The following PDE4DIP variants were observed in gnomAD, a reference collection of about 807,000 sequenced individuals.
PDE4DIP encodes phosphodiesterase 4D interacting protein, also known as myomegalin.
Under a neutral mutation model 221.4 loss-of-function variants are expected in PDE4DIP, and 59 were observed. The observed-to-expected ratio is 0.27, with a 90% CI of 0.22 to 0.33. PDE4DIP has a LOEUF of 0.33. Ranked by LOEUF, PDE4DIP falls within the 10% of genes least tolerant of loss-of-function variation. PDE4DIP has a pLI of 1.00. For synonymous variants in PDE4DIP, 404 were observed against 815.9 expected, an observed-to-expected ratio of 0.50 and a Z score of 8.60; for missense variants, 1,036 against 2,154.2, an observed-to-expected ratio of 0.48 and a Z score of 10.28.
intron 17 of PDE4DIP, among the ~76,000 whole-genome samples, chr1:148,975,199 T>A (rs1427523598): frequency 1.4e-5 from 2 of 147,790 alleles, no homozygotes; most frequent in African/African-American, 5.0e-5. Flanking sequence ...TAATAATAAT[T>A]GTAAAGCACT....
intron 4 of PDE4DIP, among the ~76,000 whole-genome samples, chr1:148,933,647 T>C (rs1324306075): frequency 6.6e-6 from 1 of 152,116 alleles, no homozygotes; most frequent in Admixed American, 6.6e-5. Context: ...TTTAACTGAA[T>C]AGGCAAAAAC....
At chr1:148,981,703 T>G (rs1177407909) in intron 21 of PDE4DIP, 7 of 334,768 alleles carry the variant, frequency 2.1e-5, no homozygotes, top group Admixed American at 3.8e-5. Context: ...TTTCCACTTT[T>G]ATTCATTCTT....
At chr1:149,000,237 G>A (rs1368996612) in intron 23 of PDE4DIP, among the ~76,000 whole-genome samples, 1 of 152,104 alleles carries the variant, frequency 6.6e-6, no homozygotes, top group African/African-American at 2.4e-5. Flanking sequence ...TCTAGCTCAG[G>A]GGTTCTCAGT....
At chr1:148,907,049 C>G (rs2042001002) in intron 1 of PDE4DIP, among the ~76,000 whole-genome samples, 1 of 151,270 alleles carries the variant, frequency 6.6e-6, no homozygotes, top group Middle Eastern at 3.4e-3. Context: ...AACTCCATCT[C>G]AAAAAAACCA....
upstream of PDE4DIP, among the ~76,000 whole-genome samples, chr1:148,884,762 T>C (rs1191327656): frequency 2.2e-4 from 34 of 152,264 alleles, no homozygotes; most frequent in African/African-American, 6.5e-4. Flanking sequence ...CAGTTTTTAC[T>C]ATTTGTACAG....
intron 1 of PDE4DIP, among the ~76,000 whole-genome samples, chr1:148,836,683 T>G (rs1347480123): frequency 7.2e-5 from 6 of 83,808 alleles, no homozygotes. Context: ...TAAACAACAA[T>G]TTGAATTTAT....
intron 41 of PDE4DIP, among the ~76,000 whole-genome samples, chr1:149,029,028 G>C (rs1408306981): frequency 6.6e-6 from 1 of 152,166 alleles, no homozygotes; most frequent in Non-Finnish European, 1.5e-5. Flanking sequence ...TCTGAAGTTT[G>C]ACTGAGCTGA....
Position 148,940,267 on chromosome 1 carries a change from G to A in PDE4DIP, c.636+2403G>A, listed in dbSNP as rs1573883333. Reference sequence around the variant, plus strand: ...ATATTCTACTCTAAAAGGATGCTTAGAACAAGAATAAGTACAGCATCCAGG... The same window carrying A: ...ATATTCTACTCTAAAAGGATGCTTAAAACAAGAATAAGTACAGCATCCAGG... On this transcript the variant is annotated intron_variant, in intron 5 of 43. Transcript: ENST00000369354. Among the ~76,000 whole-genome samples, 4 of 147,002 alleles carry A rather than the reference G, an allele frequency of 2.7e-5. 1 individual carries two copies. The South Asian group carries it at 8.9e-4, about 33-fold the overall frequency.
chr1:148,821,497 A>T lies in PDE4DIP; in HGVS notation c.233+12760A>T, dbSNP rs587654997. ...TACAAATAAAGGGATTTCTGATATTAATAAAGTTTATTTTAAAAAAATTTC... is the reference window on the plus strand; with the variant it reads ...TACAAATAAAGGGATTTCTGATATTTATAAAGTTTATTTTAAAAAAATTTC... On this transcript the variant is annotated intron_variant, in intron 1 of 45. Coordinates refer to the PDE4DIP transcript ENST00000524974. 2.7e-5 allele frequency among the ~76,000 whole-genome samples: 4 copies of T among 150,794 alleles called. 1 individual carries two copies. In the South Asian group the frequency reaches 8.4e-4, roughly 32 times the overall value.
At chr1:148,929,685 C>T (rs1458214551) in intron 2 of PDE4DIP, 1 of 158,780 alleles carries the variant, frequency 6.3e-6, no homozygotes, top group African/African-American at 2.4e-5. Context: ...TAAATTGTGA[C>T]AACATTTTTA....
chr1:148,929,251 A>T lies in PDE4DIP; in HGVS notation c.196A>T (p.Lys66Ter). Residue 66 changes from lysine to a stop codon, truncating the protein, a stop_gained, in exon 2 of 44, where the codon AAA becomes TAA. Coordinates refer to ENST00000369354, the Ensembl canonical transcript of PDE4DIP. LOFTEE classifies it high-confidence loss of function. Reference sequence around the variant, plus strand: ...CTTGAAACGAGAACTCCAGGACAAGAAACAGCATCTGGATAAAACATGGTA... The same window carrying T: ...CTTGAAACGAGAACTCCAGGACAAGTAACAGCATCTGGATAAAACATGGTA... 1 of 1,613,410 alleles carries T rather than the reference A, an allele frequency of 6.2e-7. No homozygotes were observed. The highest frequency in any genetic ancestry group is 1.1e-5 in the South Asian group (1 of 91,004).
intron 1 of PDE4DIP, among the ~76,000 whole-genome samples, chr1:148,813,695 G>T: frequency 4.2e-5 from 4 of 94,796 alleles, no homozygotes; most frequent in Non-Finnish European, 8.6e-5. Flanking sequence ...TTATAGTTTT[G>T]CATTTTTACA....
chr1:149,021,817 G>T (rs1377952108), intron 37 of PDE4DIP: 4 of 145,564 alleles, frequency 2.7e-5, no homozygotes, highest in Non-Finnish European at 6.0e-5. Flanking sequence ...TTCAATCCTG[G>T]ATTTAAATAT....
At chr1:148,954,755 AGTTT>A (rs1456312556) in intron 5 of PDE4DIP, among the ~76,000 whole-genome samples, 1 of 151,818 alleles carries the variant, frequency 6.6e-6, no homozygotes, top group Non-Finnish European at 1.5e-5. Context: ...CAACTATGGT[AGTTT>A]GTTTCTATAG....
chr1:148,859,640 T>C (rs1553398637), intron 1 of PDE4DIP, among the ~76,000 whole-genome samples: 2 of 149,556 alleles, frequency 1.3e-5, no homozygotes, highest in African/African-American at 5.1e-5. Context: ...AAAAGTGGCC[T>C]GGCGAACCAC....
chr1:149,009,578 G>A (rs1553602780), exon 30 of PDE4DIP: 1 of 1,601,516 alleles, frequency 6.2e-7, no homozygotes, highest in African/African-American at 1.3e-5. Context: ...GCTCAGCAGG[G>A]AGCTGCAGGA....
exon 44 of PDE4DIP, chr1:149,032,475 C>CCT (rs1559480881): frequency 2.9e-6 from 1 of 342,350 alleles, no homozygotes; most frequent in African/African-American, 2.0e-5. Flanking sequence ...ACACTGCTGG[C>CCT]GGGGGCTCAG....
chr1:148,889,072 G>A (rs1231873635), upstream of PDE4DIP, among the ~76,000 whole-genome samples: 1 of 151,688 alleles, frequency 6.6e-6, no homozygotes, highest in East Asian at 1.9e-4. Flanking sequence ...TTAGAAGTGA[G>A]CTCTGGATTA....
At chr1:149,004,277 G>T (rs1553589003) in intron 26 of PDE4DIP, among the ~76,000 whole-genome samples, 1 of 152,104 alleles carries the variant, frequency 6.6e-6, no homozygotes. Context: ...TCAATTAAAT[G>T]AGTAAATTCT....
Sources: allele counts gnomAD v4.1 joint callset (sites outside exome capture counted in the v4.1 genomes callset), GRCh38; gene constraint gnomAD v4.1.1; transcripts MANE v1.5; gene names NCBI Gene and HGNC (gene_info 2026-07-23, HGNC 2026-07-21).